SLC6A13: variants seen among roughly 807,000 people sequenced by gnomAD.
SLC6A13 encodes sodium- and chloride-dependent GABA transporter 2.
A neutral mutation model predicts 72.9 loss-of-function variants in SLC6A13; 69 were observed. That is an observed-to-expected ratio of 0.95 (90% confidence interval 0.78 to 1.16). The LOEUF is 1.16. Ranked by LOEUF, SLC6A13 falls within the 50% of genes most tolerant of loss-of-function variation. The probability of loss-of-function intolerance (pLI) is 0.00; values close to 1 mark genes in which losing one functional copy is unlikely to be tolerated. For missense variants in SLC6A13, 735 were observed against 760.5 expected, an observed-to-expected ratio of 0.97 and a Z score of 0.39; for synonymous variants, 303 against 303.0, an observed-to-expected ratio of 1.00 and a Z score of 0.00.
intron 9 of SLC6A13, 76 bp from the exon 10 acceptor site, chr12:224,589 C>G (rs527671011): frequency 2.6e-6 from 3 of 1,166,064 alleles, no homozygotes; most frequent in Non-Finnish European, 3.8e-6. Context: ...GGCTTCCCAG[C>G]GTGGGGCCAC....
intron 2 of SLC6A13, among the ~76,000 whole-genome samples, chr12:256,147 T>C (rs1419201670): frequency 6.6e-6 from 1 of 152,160 alleles, no homozygotes; most frequent in African/African-American, 2.4e-5. Context: ...AATTTACTCA[T>C]TTATCCCATT....
chr12:226,807 C>T (rs1565490416), intron 8 of SLC6A13: 1 of 282,546 alleles, frequency 3.5e-6, no homozygotes, highest in East Asian at 8.9e-5. Context: ...CGCCACACAG[C>T]CGCCCCTCTC....
At chr12:257,265 G>C (rs1046905248) in intron 2 of SLC6A13, 2 of 151,730 alleles carry the variant, frequency 1.3e-5, no homozygotes, top group Non-Finnish European at 2.9e-5. Context: ...TGATCAGCCC[G>C]CTTACCTTGG....
rs780085364 is a variant in SLC6A13 at position 222,589 on chromosome 12, G to A, written c.1458C>T (p.Tyr486=). The change falls in exon 13 of 15, where the codon TAC becomes TAT. Residue 486 remains tyrosine (Y), a synonymous_variant. Coordinates refer to ENST00000343164, the MANE Select transcript of SLC6A13 (RefSeq NM_016615.5). ...AGTATTTGATAAGAGGCCATGGCCT[G>A]TACCCAATCATGTCTTCGATGTTGT... is the stretch of plus-strand genomic sequence containing the variant. The part of the protein sequence containing the change: ...FYDNIEDMIG[Y]RPWPLIKYCW... 1 of 1,610,696 alleles carries A rather than the reference G, an allele frequency of 6.2e-7. No homozygotes were observed. Among genetic ancestry groups the A allele is most frequent in the Non-Finnish European group, 8.5e-7 (1 of 1,178,244 alleles).
intron 1 of SLC6A13, among the ~76,000 whole-genome samples, chr12:260,358 C>T (rs969639492): frequency 2.6e-5 from 4 of 152,190 alleles, no homozygotes; most frequent in African/African-American, 7.2e-5. Flanking sequence ...GTTCATGGGC[C>T]GCTGTGCTGT....
rs769710042 is a variant in SLC6A13, at chr12:220,999, G to A, written c.1758C>T (p.Ala586=). Reference sequence around the variant, plus strand: ...GTCTGAGCAGTGAGGTCCTGGGGGTGGCGGGAGCCGAGGGTCCTGCTGGGT... The same window carrying A: ...GTCTGAGCAGTGAGGTCCTGGGGGTAGCGGGAGCCGAGGGTCCTGCTGGGT... ...QRNPAGPSAP[A]TPRTSLLRLT... Residue 586 remains alanine, a synonymous_variant, in exon 15 of 15, where the codon GCC becomes GCT. Transcript: ENST00000343164. 1.2e-6 allele frequency: 2 copies of A among 1,612,750 alleles called. No individual in the cohort carries two copies. The highest frequency in any genetic ancestry group is 1.1e-5 in the South Asian group (1 of 91,066).
At chr12:255,341 T>A (rs1158761820) in intron 2 of SLC6A13, among the ~76,000 whole-genome samples, 3 of 152,206 alleles carry the variant, frequency 2.0e-5, no homozygotes, top group Non-Finnish European at 2.9e-5. Flanking sequence ...ACCAGTCAGC[T>A]TCTGCCTTCA....
At chr12:236,480 CT>C (rs1371436381) in intron 6 of SLC6A13, among the ~76,000 whole-genome samples, 3 of 152,244 alleles carry the variant, frequency 2.0e-5, no homozygotes, top group Admixed American at 6.5e-5. Flanking sequence ...TCCATCTCCC[CT>C]ATCCCTTGAG....
chr12:240,461 T>C (rs946005818), intron 4 of SLC6A13, among the ~76,000 whole-genome samples: 1 of 152,198 alleles, frequency 6.6e-6, no homozygotes, highest in Non-Finnish European at 1.5e-5. Flanking sequence ...GGCTTCGGCC[T>C]CCCAAAGTGC....
At chr12:249,855 A>G (rs1423538234) in intron 2 of SLC6A13, among the ~76,000 whole-genome samples, 1 of 152,158 alleles carries the variant, frequency 6.6e-6, no homozygotes, top group Non-Finnish European at 1.5e-5. Context: ...AAAATTCTAA[A>G]TGATTTTAGG....
intron 10 of SLC6A13, 42 bp downstream of exon 10, chr12:224,359 C>A: frequency 6.5e-7 from 1 of 1,530,958 alleles, no homozygotes; most frequent in East Asian, 2.2e-5. Flanking sequence ...GCACACACCC[C>A]CCCACTCATC....
chr12:247,087 G>A (rs1001316365), intron 2 of SLC6A13, among the ~76,000 whole-genome samples: 1 of 151,424 alleles, frequency 6.6e-6, no homozygotes, highest in African/African-American at 2.4e-5. Context: ...GTATGCCTAA[G>A]TGGTGAGACA....
intron 2 of SLC6A13, among the ~76,000 whole-genome samples, chr12:249,795 T>G (rs1303893423): frequency 6.6e-6 from 1 of 152,038 alleles, no homozygotes; most frequent in Non-Finnish European, 1.5e-5. Flanking sequence ...GACAAATACA[T>G]TATAAGAAAA....
intron 7 of SLC6A13, 101 bp downstream of exon 7, chr12:234,989 G>A (rs965571654): frequency 6.6e-6 from 9 of 1,370,796 alleles, no homozygotes; most frequent in South Asian, 2.5e-5. Context: ...GGACACCCTA[G>A]GGTAGTGCTA....
intron 7 of SLC6A13, among the ~76,000 whole-genome samples, chr12:228,555 C>T (rs1256471579): frequency 1.3e-5 from 2 of 152,170 alleles, no homozygotes; most frequent in African/African-American, 4.8e-5. Flanking sequence ...CCAGAACCCC[C>T]CCAAGCAGGC....
chr12:220,948 C>A lies in SLC6A13; in HGVS notation c.1809G>T (p.Ter603TyrextTer75), dbSNP rs1308472704. The change falls in exon 15 of 15, where the codon TAG (stop) becomes TAT (tyrosine). Residue 603 changes from the stop codon to tyrosine (Y), a stop_lost. Coordinates refer to ENST00000343164, the MANE Select transcript of SLC6A13 (RefSeq NM_016615.5). ...LRLTELESHC[*>Y] ...CAGGCACCATCCAAGGGCCTGCCCC[C>A]TAGCAGTGAGACTCTAGCTCTGTGA... is the stretch of plus-strand genomic sequence containing the variant. 6.2e-7 allele frequency: 1 copy of A among 1,612,398 alleles called. No individual in the cohort carries two copies. Among genetic ancestry groups the A allele is most frequent in the East Asian group, 2.2e-5 (1 of 44,862 alleles).
chr12:250,829 CCCCCAAA>C (rs1417796836), intron 2 of SLC6A13, among the ~76,000 whole-genome samples: 1 of 6,004 alleles, frequency 1.7e-4, no homozygotes, highest in East Asian at 7.5e-4. Context: ...CCAAAATAGC[CCCCCAAA>C]AAAAAAAAAA....
intron 9 of SLC6A13, 53 bp from the exon 10 acceptor site, chr12:224,566 G>T: frequency 6.9e-7 from 1 of 1,458,348 alleles, no homozygotes; most frequent in Non-Finnish European, 9.6e-7. Context: ...GCTCCAGGCT[G>T]TGGGTGACCC....
At chr12:228,041 A>T (rs185938928) in intron 7 of SLC6A13, among the ~76,000 whole-genome samples, 1 of 152,232 alleles carries the variant, frequency 6.6e-6, no homozygotes, top group African/African-American at 2.4e-5. Context: ...GTGTGGAGGA[A>T]TCCAGGCACA....
Sources: allele counts gnomAD v4.1 joint callset (sites outside exome capture counted in the v4.1 genomes callset), GRCh38; gene constraint gnomAD v4.1.1; transcripts MANE v1.5; gene names NCBI Gene and HGNC (gene_info 2026-07-23, HGNC 2026-07-21).